Variants in PDE7B observed in about 807,000 individuals in gnomAD.
The protein encoded by PDE7B is 3',5'-cyclic-AMP phosphodiesterase 7B.
In PDE7B, 29 loss-of-function variants were observed where a neutral mutation model predicts 56.2. The observed-to-expected ratio is 0.52, with a 90% CI of 0.38 to 0.70. The LOEUF (loss-of-function observed/expected upper bound fraction) is 0.70. PDE7B is among the 30% of genes least tolerant of loss of function. PDE7B has a pLI of 0.00. For missense variants in PDE7B, 490 were observed against 565.0 expected (o/e 0.87, Z 1.35); for synonymous variants, 197 against 196.9 (o/e 1.00, Z 0.00).
At chr6:135,965,009 C>T (rs189008765) in intron 2 of PDE7B, among the ~76,000 whole-genome samples, 109 of 152,230 alleles carry the variant, frequency 7.2e-4, no homozygotes, top group East Asian at 3.3e-3. Flanking sequence ...GGTGTGGTGG[C>T]GTGCGCCTAT....
Position 136,108,727 on chromosome 6 carries a change from C to G in PDE7B, c.83-4C>G, listed in dbSNP as rs1304064498. The G allele has an allele frequency of 6.3e-7, 1 of 1,594,064 alleles. No homozygotes were observed. Among genetic ancestry groups the G allele is most frequent in the Non-Finnish European group, 8.6e-7 (1 of 1,161,856 alleles). ...AGCCTTTGTTTGGATTTTCTGTTTT[C>G]TAGGAGATATACGACTAAGGGGTCA... On this transcript the variant is annotated splice_region_variant and splice_polypyrimidine_tract_variant and intron_variant, in intron 2 of 12. Coordinates refer to ENST00000308191, the MANE Select transcript of PDE7B (RefSeq NM_018945.4).
chr6:136,142,199 C>G (rs542483660), intron 3 of PDE7B, among the ~76,000 whole-genome samples: 129 of 152,284 alleles, frequency 8.5e-4, no homozygotes, highest in African/African-American at 3.0e-3. Flanking sequence ...TTTCTGCCTT[C>G]ATTTCGTTAT....
intron 1 of PDE7B, among the ~76,000 whole-genome samples, chr6:135,896,874 T>C (rs1178979012): frequency 6.6e-6 from 1 of 152,042 alleles, no homozygotes; most frequent in Non-Finnish European, 1.5e-5. Context: ...GTGGAGGCAA[T>C]AGTTAAATAC....
At chr6:135,967,799 A>C (rs1775021730) in intron 2 of PDE7B, among the ~76,000 whole-genome samples, 1 of 152,218 alleles carries the variant, frequency 6.6e-6, no homozygotes, top group Non-Finnish European at 1.5e-5. Context: ...TATAAGGAGA[A>C]GACTAAAGAG....
chr6:135,947,490 C>A lies in PDE7B; in HGVS notation c.48C>A (p.Asn16Lys). 6.2e-7 allele frequency: 1 copy of A among 1,612,460 alleles called. No individual in the cohort carries two copies. Among genetic ancestry groups the A allele is most frequent in the African/African-American group, 1.3e-5 (1 of 74,964 alleles). The change falls in exon 2 of 13, where the codon AAC becomes AAA. Residue 16 changes from asparagine (N) to lysine (K), a missense_variant. Physicochemically the swap from Asn to Lys is moderately conservative, Grantham distance 94 (BLOSUM62 0). Coordinates refer to ENST00000308191, the MANE Select transcript of PDE7B (RefSeq NM_018945.4). ...VERCGEILFENPDQNAKCVCM... is the reference protein window; with the variant it reads ...VERCGEILFEKPDQNAKCVCM... Reference sequence around the variant, plus strand: ...GGTGTGGCGAAATCTTGTTTGAGAACCCCGATCAGAATGCCAAATGTGTTT... The same window carrying A: ...GGTGTGGCGAAATCTTGTTTGAGAAACCCGATCAGAATGCCAAATGTGTTT...
chr6:136,042,295 A>G (rs555373627), intron 2 of PDE7B, among the ~76,000 whole-genome samples: 47 of 152,352 alleles, frequency 3.1e-4, no homozygotes, highest in African/African-American at 7.7e-4. Flanking sequence ...TGCTGTGAGG[A>G]CAAATATGAT....
intron 2 of PDE7B, among the ~76,000 whole-genome samples, chr6:135,962,290 G>C (rs758298108): frequency 6.6e-6 from 1 of 151,980 alleles, no homozygotes; most frequent in Non-Finnish European, 1.5e-5. Context: ...ATACATACTT[G>C]CTCTAGGAAT....
chr6:136,114,856 A>C lies in PDE7B; in HGVS notation c.166+6042A>C, dbSNP rs377371116. ...AGAAAGGCAAGGCACTGGCTGTGGT[A>C]GTGGTGCTTTCTGGCTCAGCTGGAT... On this transcript the variant is annotated intron_variant, in intron 3 of 12. Coordinates refer to ENST00000308191, the MANE Select transcript of PDE7B (RefSeq NM_018945.4). 6 of 152,358 alleles carry C rather than the reference A, an allele frequency of 3.9e-5. No individual in the cohort carries two copies. The East Asian group carries it at 9.7e-4, about 25-fold the overall frequency. The allele number at this position is 152,358 out of a possible 1,614,324, so 9.4% of individuals were successfully genotyped here. A position where few individuals can be genotyped will look rare whatever the true frequency, so the allele number is the denominator to read the frequency against.
intron 1 of PDE7B, among the ~76,000 whole-genome samples, chr6:135,883,308 G>T (rs1775643821): frequency 1.3e-5 from 2 of 152,148 alleles, no homozygotes; most frequent in African/African-American, 4.8e-5. Context: ...CTCATGAGAA[G>T]GCCTTCAAGC....
chr6:135,993,337 C>A (rs1775506567), intron 2 of PDE7B, among the ~76,000 whole-genome samples: 1 of 152,158 alleles, frequency 6.6e-6, no homozygotes, highest in African/African-American at 2.4e-5. Context: ...TTAACTCCAT[C>A]GTTTTCAAGC....
chr6:135,918,096 A>G (rs564017123), intron 1 of PDE7B, among the ~76,000 whole-genome samples: 10 of 152,206 alleles, frequency 6.6e-5, no homozygotes, highest in African/African-American at 2.4e-4. Context: ...TTTCTTCTCT[A>G]TGCAGTTTCT....
In PDE7B at chr6:136,191,909, G is replaced by C; in HGVS notation, c.*69G>C. 8.4e-7 allele frequency: 1 copy of C among 1,190,642 alleles called. No homozygotes were observed. Among genetic ancestry groups the C allele is most frequent in the Non-Finnish European group, 1.2e-6 (1 of 835,196 alleles). The allele number at this position is 1,190,642 out of a possible 1,614,324, so 73.8% of individuals were successfully genotyped here. A position where few individuals can be genotyped will look rare whatever the true frequency, so the allele number is the denominator to read the frequency against. The stretch of plus-strand genomic sequence containing the variant: ...CAGAGGGCAGAAGCAGCGTGGAGGG[G>C]CCCTCACGCAGCAGCCCAGCCACTT... On this transcript the variant is annotated 3_prime_UTR_variant, in exon 13 of 13. Coordinates refer to ENST00000308191, the MANE Select transcript of PDE7B (RefSeq NM_018945.4).
intron 2 of PDE7B, among the ~76,000 whole-genome samples, chr6:136,027,022 C>T (rs1776164414): frequency 6.6e-6 from 1 of 152,120 alleles, no homozygotes; most frequent in Admixed American, 6.5e-5. Flanking sequence ...TAGAAAGAGA[C>T]ACCAGAGAGC....
intron 3 of PDE7B, among the ~76,000 whole-genome samples, chr6:136,109,211 C>T (rs1710354612): frequency 6.6e-6 from 1 of 152,176 alleles, no homozygotes; most frequent in African/African-American, 2.4e-5. Flanking sequence ...GTGGCACAGC[C>T]TGTAGTCCCA....
At chr6:136,086,867 C>T (rs1037296935) in intron 2 of PDE7B, among the ~76,000 whole-genome samples, 2 of 152,174 alleles carry the variant, frequency 1.3e-5, no homozygotes, top group African/African-American at 2.4e-5. Flanking sequence ...GCAGCTGCTT[C>T]GGAAGAATAT....
At chr6:135,875,035 C>T (rs953858289) in intron 1 of PDE7B, among the ~76,000 whole-genome samples, 1 of 151,782 alleles carries the variant, frequency 6.6e-6, no homozygotes, top group Non-Finnish European at 1.5e-5. Flanking sequence ...ATATTAAAAG[C>T]TTCTATTCCA....
chr6:136,177,832 C>T (rs1231063758), intron 9 of PDE7B, among the ~76,000 whole-genome samples: 1 of 152,010 alleles, frequency 6.6e-6, no homozygotes, highest in Non-Finnish European at 1.5e-5. Flanking sequence ...TTTACTGTGG[C>T]TTTTTTCATA....
chr6:135,972,233 C>CAAAAAAA (rs72005772), intron 2 of PDE7B, among the ~76,000 whole-genome samples: 34 of 65,190 alleles, frequency 5.2e-4, no homozygotes, highest in African/African-American at 1.8e-3. Flanking sequence ...AAACTGTTCT[C>CAAAAAAA]AAAAAAAAAA....
intron 2 of PDE7B, among the ~76,000 whole-genome samples, chr6:136,023,386 A>C (rs1303133189): frequency 6.6e-6 from 1 of 152,212 alleles, no homozygotes; most frequent in Non-Finnish European, 1.5e-5. Flanking sequence ...CAGGACCCTG[A>C]AAAGAAGCCA....
Sources: allele counts gnomAD v4.1 joint callset (sites outside exome capture counted in the v4.1 genomes callset), GRCh38; gene constraint gnomAD v4.1.1; transcripts MANE v1.5; gene names NCBI Gene and HGNC (gene_info 2026-07-23, HGNC 2026-07-21).